Variants in PCDH9 observed in about 807,000 individuals in gnomAD.
PCDH9 encodes the protein protocadherin 9.
A neutral mutation model predicts 70.6 loss-of-function variants in PCDH9; 24 were observed. That is an observed-to-expected ratio of 0.34 (90% confidence interval 0.25 to 0.48). The LOEUF (loss-of-function observed/expected upper bound fraction) is 0.48, where lower values mean the gene tolerates loss of function less well. Among genes scored for constraint, PCDH9 ranks in the 20% least tolerant of loss-of-function variants. The pLI is 0.99. For missense variants in PCDH9, 1,281 were observed against 1,503.6 expected, an observed-to-expected ratio of 0.85 and a Z score of 2.45; for synonymous variants, 562 against 558.5, an observed-to-expected ratio of 1.01 and a Z score of -0.09.
At chr13:66,760,006 C>T (rs953624444) in intron 3 of PCDH9, among the ~76,000 whole-genome samples, 2 of 152,112 alleles carry the variant, frequency 1.3e-5, no homozygotes, top group African/African-American at 4.8e-5. Context: ...TTAAGTAACT[C>T]CCTTTAGCAA....
intron 4 of PCDH9, among the ~76,000 whole-genome samples, chr13:66,609,473 G>C (rs1234081854): frequency 1.3e-5 from 2 of 152,024 alleles, no homozygotes; most frequent in Non-Finnish European, 2.9e-5. Context: ...ACTTAAATTA[G>C]TAATTTGTGA....
chr13:66,804,918 C>G, intron 3 of PCDH9, among the ~76,000 whole-genome samples: 1 of 151,954 alleles, frequency 6.6e-6, no homozygotes, highest in East Asian at 1.9e-4. Flanking sequence ...CAATACAGTT[C>G]TGGACAAATT....
At chr13:66,862,818 T>C (rs2081506332) in intron 3 of PCDH9, among the ~76,000 whole-genome samples, 1 of 152,194 alleles carries the variant, frequency 6.6e-6, no homozygotes, top group Admixed American at 6.5e-5. Context: ...TATATTGTCA[T>C]TTTAATAAAC....
intron 4 of PCDH9, among the ~76,000 whole-genome samples, chr13:66,399,875 T>C (rs1217136368): frequency 6.6e-6 from 1 of 152,146 alleles, no homozygotes; most frequent in Non-Finnish European, 1.5e-5. Flanking sequence ...TGTTTATATA[T>C]ACAAAATATT....
Position 66,680,043 on chromosome 13 carries a change from G to A in PCDH9, c.3139-48632C>T, listed in dbSNP as rs192969510. Among the ~76,000 whole-genome samples, 8 of 151,996 alleles carry A rather than the reference G, an allele frequency of 5.3e-5. No homozygotes were observed. In the East Asian group the frequency reaches 1.5e-3, roughly 29 times the overall value. ...TTATGTGGTAAGAATATGCACATGTGTTTAAGAGTTCAGATTCCTAATTTC... is the reference window on the plus strand; with the variant it reads ...TTATGTGGTAAGAATATGCACATGTATTTAAGAGTTCAGATTCCTAATTTC... On this transcript the variant is annotated intron_variant, in intron 3 of 4. Transcript: ENST00000377865.
chr13:66,549,582 G>A (rs1175117026), intron 4 of PCDH9, among the ~76,000 whole-genome samples: 1 of 151,966 alleles, frequency 6.6e-6, no homozygotes, highest in Non-Finnish European at 1.5e-5. Context: ...CTGCTGCTCA[G>A]TTAAACCTCT....
chr13:67,045,758 G>A (rs2085211170), intron 2 of PCDH9, among the ~76,000 whole-genome samples: 1 of 152,094 alleles, frequency 6.6e-6, no homozygotes, highest in Non-Finnish European at 1.5e-5. Flanking sequence ...AATATGATGT[G>A]AGGCTTCGAG....
chr13:66,708,081 G>A (rs1233681922), intron 3 of PCDH9, among the ~76,000 whole-genome samples: 2 of 150,920 alleles, frequency 1.3e-5, no homozygotes, highest in African/African-American at 2.4e-5. Context: ...ACGGAGTCTC[G>A]CTCTGTCGCC....
chr13:66,947,906 G>A (rs970533929), intron 2 of PCDH9, among the ~76,000 whole-genome samples: 1 of 152,098 alleles, frequency 6.6e-6, no homozygotes, highest in Admixed American at 6.6e-5. Context: ...ATGAACTGAA[G>A]AGGAAGCACT....
chr13:66,777,207 G>A (rs1566187272), intron 3 of PCDH9, among the ~76,000 whole-genome samples: 1 of 151,910 alleles, frequency 6.6e-6, no homozygotes, highest in Non-Finnish European at 1.5e-5. Flanking sequence ...TACCATTCAG[G>A]ACACAGGCAT....
At chr13:67,110,535 A>AG (rs1238145475) in intron 2 of PCDH9, among the ~76,000 whole-genome samples, 1 of 148,888 alleles carries the variant, frequency 6.7e-6, no homozygotes, top group Non-Finnish European at 1.5e-5. Flanking sequence ...AAAAAAAAAA[A>AG]GGGACATTAC....
chr13:67,215,197 G>T (rs2147998), intron 2 of PCDH9: 1 of 150,760 alleles, frequency 6.6e-6, no homozygotes, highest in Non-Finnish European at 1.5e-5. Flanking sequence ...TCCCAAAGGT[G>T]CATTGGAAAC....
At chr13:66,959,811 C>T (rs1489361890) in intron 2 of PCDH9, among the ~76,000 whole-genome samples, 3 of 151,014 alleles carry the variant, frequency 2.0e-5, no homozygotes, top group Middle Eastern at 3.4e-3. Context: ...ATAACTTGAA[C>T]TAAGAAGCTG....
chr13:66,548,437 T>C (rs1961316329), intron 4 of PCDH9, among the ~76,000 whole-genome samples: 1 of 151,900 alleles, frequency 6.6e-6, no homozygotes, highest in Admixed American at 6.6e-5. Flanking sequence ...TGGTGGCATG[T>C]GCCTGTAATC....
At chr13:67,119,420 T>C (rs2086837072) in intron 2 of PCDH9, among the ~76,000 whole-genome samples, 1 of 152,166 alleles carries the variant, frequency 6.6e-6, no homozygotes, top group African/African-American at 2.4e-5. Context: ...TCAATTTTAC[T>C]TTCTTTTTAA....
chr13:66,590,522 C>T (rs1474880094), intron 4 of PCDH9, among the ~76,000 whole-genome samples: 1 of 151,806 alleles, frequency 6.6e-6, no homozygotes, highest in Non-Finnish European at 1.5e-5. Flanking sequence ...GACAAAAAAT[C>T]CACATGCTAT....
At chr13:66,328,620 G>T (rs1437739439) in intron 4 of PCDH9, among the ~76,000 whole-genome samples, 1 of 152,152 alleles carries the variant, frequency 6.6e-6, no homozygotes, top group Non-Finnish European at 1.5e-5. Flanking sequence ...AAGGGCAGTG[G>T]AGTGGTTTAT....
chr13:67,184,173 G>T (rs2088689039), intron 2 of PCDH9, among the ~76,000 whole-genome samples: 9 of 152,100 alleles, frequency 5.9e-5, no homozygotes, highest in Admixed American at 5.9e-4. Context: ...AAAAATGTAG[G>T]TTATAACTTC....
At chr13:67,210,667 G>T (rs1245081176) in intron 2 of PCDH9, 1 of 151,948 alleles carries the variant, frequency 6.6e-6, no homozygotes, top group Non-Finnish European at 1.5e-5. Context: ...TTTCAGAGGA[G>T]AAAACTGAAT....
Sources: gnomAD v4.1 joint callset for allele counts (sites outside exome capture counted in the v4.1 genomes callset) on GRCh38, gnomAD v4.1.1 for gene constraint, MANE v1.5 for transcripts, NCBI Gene and HGNC (gene_info 2026-07-23, HGNC 2026-07-21) for gene names.